MACROD1: variants seen among roughly 807,000 people sequenced by gnomAD.
MACROD1 encodes the protein ADP-ribose glycohydrolase MACROD1.
MACROD1 carries 31 observed loss-of-function variants against 41.4 expected under a neutral mutation model. That is an observed-to-expected ratio of 0.75 (90% CI 0.56 to 1.01). The LOEUF (loss-of-function observed/expected upper bound fraction) is 1.01. Among genes scored for constraint, MACROD1 ranks in the 50% least tolerant of loss-of-function variants. The pLI is 0.00. For synonymous variants in MACROD1, 252 were observed against 203.4 expected (o/e 1.24, Z -2.03); for missense variants, 473 against 460.0 (o/e 1.03, Z -0.26).
At chr11:64,139,800 C>T (rs1462072012) in intron 3 of MACROD1, among the ~76,000 whole-genome samples, 2 of 152,018 alleles carry the variant, frequency 1.3e-5, no homozygotes, top group East Asian at 1.9e-4. Context: ...ACTAAAAATA[C>T]AAAAAATTAG....
At chr11:64,065,746 C>T (rs1289967379) in intron 3 of MACROD1, among the ~76,000 whole-genome samples, 12 of 144,748 alleles carry the variant, frequency 8.3e-5, no homozygotes, top group South Asian at 4.4e-4. Flanking sequence ...GCTGAGATGG[C>T]GCCACTGCAC....
intron 3 of MACROD1, among the ~76,000 whole-genome samples, chr11:64,049,015 G>T (rs1943640071): frequency 6.6e-6 from 1 of 152,236 alleles, no homozygotes; most frequent in Non-Finnish European, 1.5e-5. Flanking sequence ...GGTGCCGGCT[G>T]CCTCCTGCCC....
chr11:64,011,940 C>T (rs540229684), intron 4 of MACROD1, among the ~76,000 whole-genome samples: 53 of 152,122 alleles, frequency 3.5e-4, no homozygotes, highest in African/African-American at 1.2e-3. Flanking sequence ...AGAGCACCTC[C>T]GGGGACCAGG....
chr11:64,053,817 C>T (rs1488718706), intron 3 of MACROD1, among the ~76,000 whole-genome samples: 3 of 152,258 alleles, frequency 2.0e-5, no homozygotes, highest in East Asian at 1.9e-4. Context: ...CTTGCCTGCC[C>T]GCAGATGGGG....
intron 3 of MACROD1, among the ~76,000 whole-genome samples, chr11:64,142,179 G>A (rs773736766): frequency 9.2e-5 from 14 of 152,164 alleles, no homozygotes; most frequent in Admixed American, 4.6e-4. Context: ...TCACTGATTC[G>A]TGCAGCCCCT....
At chr11:64,128,686 C>A (rs1945222553) in intron 3 of MACROD1, among the ~76,000 whole-genome samples, 1 of 151,968 alleles carries the variant, frequency 6.6e-6, no homozygotes, top group Admixed American at 6.5e-5. Flanking sequence ...GCCTGACACC[C>A]CCCAGGCCCA....
intron 3 of MACROD1, among the ~76,000 whole-genome samples, chr11:64,059,897 C>G (rs546964): frequency 0.14 from 21,691 of 151,278 alleles, 1,915 homozygotes; most frequent in Non-Finnish European, 0.19. Context: ...GCCGAGGAGG[C>G]GAGGCGAGGC....
chr11:64,163,286 G>A (rs1945785133), intron 1 of MACROD1, among the ~76,000 whole-genome samples: 1 of 152,146 alleles, frequency 6.6e-6, no homozygotes, highest in Admixed American at 6.6e-5. Flanking sequence ...GACAAAAAGA[G>A]TGAAACTGTC....
At chr11:64,113,893 T>TGGAC (rs1944913982) in intron 3 of MACROD1, among the ~76,000 whole-genome samples, 1 of 148,130 alleles carries the variant, frequency 6.8e-6, no homozygotes, top group Non-Finnish European at 1.5e-5. Flanking sequence ...GATGGATGGA[T>TGGAC]GGATGGATGG....
At chr11:64,015,401 G>T in intron 3 of MACROD1, 120 bp from the exon 4 acceptor site, 1 of 866,748 alleles carries the variant, frequency 1.2e-6, no homozygotes, top group Non-Finnish European at 1.8e-6. Flanking sequence ...TCAGACTTGG[G>T]CACAGGGTCT....
intron 3 of MACROD1, among the ~76,000 whole-genome samples, chr11:64,083,804 A>G (rs1944344400): frequency 6.6e-6 from 1 of 152,202 alleles, no homozygotes; most frequent in Non-Finnish European, 1.5e-5. Flanking sequence ...GGGGTGAGTC[A>G]GCAGGGGTTG....
rs188970495 is a variant in MACROD1, at chr11:64,068,138, C to T, written c.518-52857G>A. ...GTTGAATCAAAATGTAAATTAATGG[C>T]ATTAAGATATGGCGTTCAAATTGGC... On this transcript the variant is annotated intron_variant, in intron 3 of 10. Transcript: ENST00000255681. 2.0e-5 allele frequency among the ~76,000 whole-genome samples: 3 copies of T among 152,334 alleles called. No individual in the cohort carries two copies. The East Asian group carries it at 5.8e-4, about 29-fold the overall frequency.
chr11:64,090,513 C>T lies in MACROD1; in HGVS notation c.517+60726G>A, dbSNP rs1944470352. 6.6e-6 allele frequency among the ~76,000 whole-genome samples: 1 copy of T among 152,064 alleles called. No individual in the cohort carries two copies. The highest frequency in any genetic ancestry group is 2.4e-5 in the African/African-American group (1 of 41,410). Reference sequence around the variant, plus strand: ...AGGCCAAATAACCACATTTGCTTCCCCGGGCCCTCCCTCGACCGGCTCTGC... The same window carrying T: ...AGGCCAAATAACCACATTTGCTTCCTCGGGCCCTCCCTCGACCGGCTCTGC... On this transcript the variant is annotated intron_variant, in intron 3 of 10. Coordinates refer to ENST00000255681, the MANE Select transcript of MACROD1 (RefSeq NM_014067.4). This position sits in a 1 kb window ranked among gnomAD's most constrained non-coding sequence, Gnocchi z 4.7.
In MACROD1 at chr11:64,016,217, C is replaced by G. The variant is rs566762578; in HGVS notation, c.518-936G>C. ...GGGGGCAAAGTGAGGCTGGCAGCCC[C>G]TCTCTGTAGGAATGCCAGAGCTGTG... On this transcript the variant is annotated intron_variant, in intron 3 of 10. Coordinates refer to ENST00000255681, the MANE Select transcript of MACROD1 (RefSeq NM_014067.4). 1.4e-3 allele frequency among the ~76,000 whole-genome samples: 212 copies of G among 152,360 alleles called. 1 individual carries two copies. Among genetic ancestry groups the G allele is most frequent in the African/African-American group, 5.0e-3 (206 of 41,584 alleles).
intron 4 of MACROD1, among the ~76,000 whole-genome samples, chr11:64,013,694 T>C (rs936869510): frequency 3.3e-5 from 5 of 152,134 alleles, no homozygotes; most frequent in African/African-American, 1.2e-4. Flanking sequence ...CTGAACTGAA[T>C]GGCTAAAGAT....
intron 3 of MACROD1, among the ~76,000 whole-genome samples, chr11:64,114,871 T>A (rs1436347140): frequency 6.6e-6 from 1 of 151,994 alleles, no homozygotes; most frequent in Admixed American, 6.5e-5. Context: ...GCAGAGGAGG[T>A]AACATTTGAG....
intron 3 of MACROD1, among the ~76,000 whole-genome samples, chr11:64,136,020 C>G (rs982039889): frequency 2.0e-5 from 3 of 152,208 alleles, no homozygotes; most frequent in Admixed American, 1.3e-4. Flanking sequence ...CCTAGGCAGC[C>G]AAACCCACCG....
At chr11:64,107,363 A>G (rs1944781150) in intron 3 of MACROD1, among the ~76,000 whole-genome samples, 1 of 151,844 alleles carries the variant, frequency 6.6e-6, no homozygotes, top group Admixed American at 6.6e-5. Context: ...CTGGCCTTGA[A>G]TGGTTTAATA....
In MACROD1 at chr11:63,999,348, C is replaced by T. The variant is rs1174651036; in HGVS notation, c.874G>A (p.Glu292Lys). The change falls in exon 8 of 11, where the codon GAG becomes AAG. Residue 292 changes from glutamate (E) to lysine (K), a missense_variant. By Grantham distance (56) the Glu-to-Lys change is moderately conservative. Coordinates refer to ENST00000255681, the MANE Select transcript of MACROD1 (RefSeq NM_014067.4). ...IVLATLREWL[E>K]QHKDKVDRLI... ...GGACTCACCTTGTCCTTGTGCTGCT[C>T]CAGCCACTCTCGCAGCGTGGCCAGC... 12 of 1,586,402 alleles carry T rather than the reference C, an allele frequency of 7.6e-6. No homozygotes were observed. In the South Asian group the frequency reaches 1.1e-4, roughly 15 times the overall value.
Sources: allele counts gnomAD v4.1 joint callset (sites outside exome capture counted in the v4.1 genomes callset), GRCh38; gene constraint gnomAD v4.1.1; non-coding constraint Gnocchi (gnomAD v3.1); transcripts MANE v1.5; gene names NCBI Gene and HGNC (gene_info 2026-07-23, HGNC 2026-07-21).